The following GTF2F2 variants were observed in gnomAD, a reference collection of about 807,000 sequenced individuals.
The protein encoded by GTF2F2 is general transcription factor IIF subunit 2, also known as ATP-dependent helicase GTF2F2.
GTF2F2 carries 23 observed loss-of-function variants against 42.2 expected under a neutral mutation model. The observed-to-expected ratio is 0.55, with a 90% CI of 0.39 to 0.77. The LOEUF (loss-of-function observed/expected upper bound fraction) is 0.77, where lower values mean the gene tolerates loss of function less well. Ranked by LOEUF, GTF2F2 falls within the 30% of genes least tolerant of loss-of-function variation. The pLI is 0.00. For missense variants in GTF2F2, 261 were observed against 287.2 expected, an observed-to-expected ratio of 0.91 and a Z score of 0.66; for synonymous variants, 105 against 100.8, an observed-to-expected ratio of 1.04 and a Z score of -0.25.
At chr13:45,191,224 A>AAAAAAAAAAAATAT in intron 4 of GTF2F2, among the ~76,000 whole-genome samples, 5 of 75,310 alleles carry the variant, frequency 6.6e-5, no homozygotes, top group African/African-American at 1.0e-4. Flanking sequence ...ACAAAAAAAA[A>AAAAAAAAAAAATAT]ATATATATAT....
intron 7 of GTF2F2, among the ~76,000 whole-genome samples, chr13:45,270,977 A>G (rs542126149): frequency 1.4e-4 from 22 of 152,306 alleles, no homozygotes; most frequent in African/African-American, 4.6e-4. Context: ...GCATACTTGT[A>G]TTAAAAAGTG....
chr13:45,189,156 G>A (rs1353234298), intron 4 of GTF2F2, among the ~76,000 whole-genome samples: 1 of 151,952 alleles, frequency 6.6e-6, no homozygotes, highest in African/African-American at 2.4e-5. Flanking sequence ...TGTGGTGTTT[G>A]GTTTTCTGTC....
chr13:45,120,638 TC>T lies in GTF2F2; in HGVS notation c.-16del. 2 of 1,551,640 alleles carry T rather than the reference TC, an allele frequency of 1.3e-6. No individual in the cohort carries two copies. The highest frequency in any genetic ancestry group is 2.4e-5 in the South Asian group (2 of 84,164). On this transcript the variant is annotated 5_prime_UTR_variant, in exon 1 of 8. Coordinates refer to ENST00000340473, the MANE Select transcript of GTF2F2 (RefSeq NM_004128.3). ...GGGTCGCTGCTGCATCCCGCACGCC[TC>T]CACCGGCTGCAGACCCATGGCCGAG...
intron 7 of GTF2F2, among the ~76,000 whole-genome samples, chr13:45,269,696 C>T (rs1055909007): frequency 6.6e-6 from 1 of 152,144 alleles, no homozygotes; most frequent in Admixed American, 6.5e-5. Context: ...CCCAGCTCTA[C>T]CATTTAGCCA....
intron 1 of GTF2F2, among the ~76,000 whole-genome samples, chr13:45,130,821 T>G (rs2138092670): frequency 6.6e-6 from 1 of 152,222 alleles, no homozygotes; most frequent in South Asian, 2.1e-4. Flanking sequence ...TTACTGAATA[T>G]TAAGATGGAG....
chr13:45,258,198 G>T (rs545012819), intron 6 of GTF2F2, among the ~76,000 whole-genome samples: 1 of 151,792 alleles, frequency 6.6e-6, no homozygotes, highest in African/African-American at 2.4e-5. Flanking sequence ...TGATGACTCA[G>T]TTAGTGTCTA....
chr13:45,221,710 T>C (rs892376172), intron 5 of GTF2F2, among the ~76,000 whole-genome samples: 1 of 127,604 alleles, frequency 7.8e-6, no homozygotes, highest in Admixed American at 7.7e-5. Flanking sequence ...GATCTAGTCA[T>C]ACCACTTCCC....
intron 5 of GTF2F2, among the ~76,000 whole-genome samples, chr13:45,232,156 C>T (rs562187769): frequency 6.6e-6 from 1 of 152,116 alleles, no homozygotes; most frequent in Non-Finnish European, 1.5e-5. Context: ...GCTGGAGAAA[C>T]ATGGCCTCCA....
intron 4 of GTF2F2, among the ~76,000 whole-genome samples, chr13:45,164,480 C>G (rs1479715972): frequency 1.3e-5 from 2 of 152,050 alleles, no homozygotes; most frequent in African/African-American, 4.8e-5. Flanking sequence ...TGCCTGTAAC[C>G]CCAGCACTTT....
chr13:45,164,152 C>G (rs1267337635), intron 4 of GTF2F2, among the ~76,000 whole-genome samples: 1 of 152,056 alleles, frequency 6.6e-6, no homozygotes, highest in East Asian at 1.9e-4. Flanking sequence ...TGGTGGCAGA[C>G]ACCTGTAATC....
chr13:45,167,879 C>A (rs961412793), intron 4 of GTF2F2, among the ~76,000 whole-genome samples: 1 of 152,212 alleles, frequency 6.6e-6, no homozygotes, highest in South Asian at 2.1e-4. Flanking sequence ...TCTAAAAGAA[C>A]CTTTCTTGAG....
intron 1 of GTF2F2, among the ~76,000 whole-genome samples, chr13:45,121,921 C>A (rs1868657526): frequency 1.3e-5 from 2 of 149,036 alleles, no homozygotes; most frequent in African/African-American, 5.2e-5. Flanking sequence ...GGAGATTGCC[C>A]TTACGGACTG....
At chr13:45,142,968 ATCC>A (rs1870005112) in intron 2 of GTF2F2, among the ~76,000 whole-genome samples, 1 of 152,318 alleles carries the variant, frequency 6.6e-6, no homozygotes, top group African/African-American at 2.4e-5. Context: ...TGGAATGATA[ATCC>A]TCCTCCTTAC....
rs77620138 is a variant in GTF2F2 at position 45,231,523 on chromosome 13, C to A, written c.387-21348C>A. ...GAGACCATATGGCCTGAAACCACGT[C>A]CACAGAGCAATGAATCAATAGGGAG... On this transcript the variant is annotated intron_variant, in intron 5 of 7. Coordinates refer to ENST00000340473, the MANE Select transcript of GTF2F2 (RefSeq NM_004128.3). Among the ~76,000 whole-genome samples, 430 of 152,300 alleles carry A rather than the reference C, an allele frequency of 2.8e-3. 1 individual carries two copies. Among genetic ancestry groups the A allele is most frequent in the Non-Finnish European group, 3.3e-3 (227 of 68,028 alleles).
chr13:45,261,130 A>C (rs1027026725), intron 6 of GTF2F2, among the ~76,000 whole-genome samples: 1 of 151,878 alleles, frequency 6.6e-6, no homozygotes, highest in Non-Finnish European at 1.5e-5. Context: ...CATCTCAAAA[A>C]AGAAAAGGTT....
chr13:45,203,254 T>C (rs1873282797), intron 4 of GTF2F2, among the ~76,000 whole-genome samples: 1 of 151,794 alleles, frequency 6.6e-6, no homozygotes. Flanking sequence ...TTTTTTTTTT[T>C]TTGGATTTTT....
chr13:45,146,728 G>A (rs1428550233), intron 2 of GTF2F2, among the ~76,000 whole-genome samples: 1 of 152,154 alleles, frequency 6.6e-6, no homozygotes, highest in Non-Finnish European at 1.5e-5. Context: ...GTGGGGTATT[G>A]AGAAATAGAC....
chr13:45,230,896 G>GT (rs913539218), intron 5 of GTF2F2, among the ~76,000 whole-genome samples: 5 of 151,568 alleles, frequency 3.3e-5, no homozygotes, highest in Non-Finnish European at 5.9e-5. Context: ...TTAAGTTTGG[G>GT]TTTTTTTTAG....
intron 4 of GTF2F2, among the ~76,000 whole-genome samples, chr13:45,195,609 A>G (rs887669551): frequency 2.6e-5 from 4 of 152,144 alleles, no homozygotes; most frequent in African/African-American, 7.2e-5. Flanking sequence ...GGGAGCTGGA[A>G]CAGTGTGAAT....
Sources: gnomAD v4.1 joint callset for allele counts (sites outside exome capture counted in the v4.1 genomes callset) on GRCh38, gnomAD v4.1.1 for gene constraint, MANE v1.5 for transcripts, NCBI Gene and HGNC (gene_info 2026-07-23, HGNC 2026-07-21) for gene names.